Variants in SNTG1 observed in about 807,000 individuals in gnomAD.
The protein encoded by SNTG1 is gamma-1-syntrophin.
In SNTG1, 39 loss-of-function variants were observed where a neutral mutation model predicts 74.7. The observed-to-expected ratio is 0.52, with a 90% CI of 0.40 to 0.68. SNTG1 has a LOEUF of 0.68. Among genes scored for constraint, SNTG1 ranks in the 30% least tolerant of loss-of-function variants. The probability of loss-of-function intolerance (pLI) is 0.00; values close to 1 mark genes in which losing one functional copy is unlikely to be tolerated. For missense variants in SNTG1, 685 were observed against 609.5 expected (o/e 1.12, Z -1.30); for synonymous variants, 254 against 217.1 (o/e 1.17, Z -1.49).
At chr8:50,579,961 C>CTACT (rs2094599655) in intron 12 of SNTG1, among the ~76,000 whole-genome samples, 1 of 152,206 alleles carries the variant, frequency 6.6e-6, no homozygotes, top group African/African-American at 2.4e-5. Flanking sequence ...AATGGTAGAA[C>CTACT]TACTGACGGC....
chr8:50,474,648 A>T (rs920913109), intron 8 of SNTG1, among the ~76,000 whole-genome samples: 3 of 152,098 alleles, frequency 2.0e-5, no homozygotes, highest in Non-Finnish European at 4.4e-5. Context: ...ACTAGTTCAA[A>T]TGTTGTGGAA....
chr8:50,008,640 C>T (rs1203723842), intron 1 of SNTG1, among the ~76,000 whole-genome samples: 1 of 151,954 alleles, frequency 6.6e-6, no homozygotes, highest in Non-Finnish European at 1.5e-5. Flanking sequence ...GGATAAGAAA[C>T]AAAGAAAAAT....
chr8:50,532,235 C>A (rs532987899), intron 10 of SNTG1, among the ~76,000 whole-genome samples: 2 of 151,940 alleles, frequency 1.3e-5, no homozygotes, highest in East Asian at 1.9e-4. Flanking sequence ...ATAATAAAAC[C>A]GTATGAAAAC....
intron 1 of SNTG1, among the ~76,000 whole-genome samples, chr8:50,049,315 A>G (rs900566227): frequency 9.2e-5 from 14 of 152,162 alleles, no homozygotes; most frequent in East Asian, 3.8e-4. Flanking sequence ...TTGTAAATAT[A>G]TAGAGAAATA....
chr8:50,033,009 GT>G (rs201438390), intron 1 of SNTG1, among the ~76,000 whole-genome samples: 12 of 146,568 alleles, frequency 8.2e-5, no homozygotes, highest in Admixed American at 1.4e-4. Flanking sequence ...TCCTCTTTCA[GT>G]TTTTTTTTTA....
intron 2 of SNTG1, among the ~76,000 whole-genome samples, chr8:50,208,063 C>T (rs776610184): frequency 2.6e-5 from 4 of 152,114 alleles, no homozygotes; most frequent in Non-Finnish European, 4.4e-5. Context: ...GTGGAGAGTT[C>T]TCTAGATGTC....
intron 1 of SNTG1, among the ~76,000 whole-genome samples, chr8:50,054,748 C>T (rs539315479): frequency 4.6e-5 from 7 of 152,142 alleles, no homozygotes; most frequent in Admixed American, 2.0e-4. Context: ...CATGGCTCAC[C>T]GCAACCTTGA....
At chr8:50,260,744 T>C (rs2087146596) in intron 2 of SNTG1, among the ~76,000 whole-genome samples, 1 of 42,612 alleles carries the variant, frequency 2.3e-5, no homozygotes, top group Non-Finnish European at 9.0e-5. Flanking sequence ...GAAATAGCAA[T>C]TCTAAAAAAA....
chr8:50,142,392 TGAA>T (rs1459757516), intron 1 of SNTG1, among the ~76,000 whole-genome samples: 2 of 151,924 alleles, frequency 1.3e-5, no homozygotes, highest in East Asian at 3.9e-4. Context: ...AGTAGGAGCT[TGAA>T]GAAGAATTCA....
chr8:50,484,120 C>CTT (rs1197671389), intron 8 of SNTG1, among the ~76,000 whole-genome samples: 3 of 112,232 alleles, frequency 2.7e-5, no homozygotes, highest in African/African-American at 1.0e-4. Flanking sequence ...TTCTTTCTTT[C>CTT]TTTCTTTCTT....
intron 2 of SNTG1, among the ~76,000 whole-genome samples, chr8:50,201,204 A>G (rs2083974414): frequency 6.6e-6 from 1 of 152,164 alleles, no homozygotes; most frequent in Admixed American, 6.6e-5. Flanking sequence ...TGAAGTTTAG[A>G]GTTTTCTCAT....
chr8:50,586,413 C>G (rs1368747885), intron 12 of SNTG1, among the ~76,000 whole-genome samples: 1 of 152,128 alleles, frequency 6.6e-6, no homozygotes, highest in African/African-American at 2.4e-5. Context: ...ACTGCACAGC[C>G]TGACAAAGTC....
At chr8:50,647,162 C>A (rs977182740) in intron 13 of SNTG1, among the ~76,000 whole-genome samples, 4 of 152,052 alleles carry the variant, frequency 2.6e-5, no homozygotes, top group African/African-American at 9.7e-5. Flanking sequence ...GTGATGACTT[C>A]TCAGATACAA....
chr8:50,737,760 C>CAAT (rs2095532594), intron 17 of SNTG1, among the ~76,000 whole-genome samples: 1 of 152,074 alleles, frequency 6.6e-6, no homozygotes, highest in Non-Finnish European at 1.5e-5. Flanking sequence ...TCAACGTATG[C>CAAT]AAATCAATAA....
intron 2 of SNTG1, among the ~76,000 whole-genome samples, chr8:50,204,399 C>A (rs984869276): frequency 1.1e-4 from 17 of 152,122 alleles, no homozygotes; most frequent in African/African-American, 3.9e-4. Flanking sequence ...GATTTTCTGT[C>A]TTTTCCTTGC....
At chr8:50,767,046 G>A (rs1041297107) in intron 18 of SNTG1, among the ~76,000 whole-genome samples, 6 of 151,844 alleles carry the variant, frequency 4.0e-5, no homozygotes, top group Non-Finnish European at 5.9e-5. Context: ...CTGTTACAAC[G>A]TTTCTTTCCT....
chr8:50,038,580 A>G (rs563564696), intron 1 of SNTG1, among the ~76,000 whole-genome samples: 4 of 152,278 alleles, frequency 2.6e-5, no homozygotes, highest in East Asian at 1.9e-4. Context: ...CTTTCCATCA[A>G]TGAATTTGCT....
At chr8:50,010,785 CTTT>C (rs774350614) in intron 1 of SNTG1, among the ~76,000 whole-genome samples, 1 of 89,134 alleles carries the variant, frequency 1.1e-5, no homozygotes, top group African/African-American at 4.9e-5. Context: ...ACAGGCCTCT[CTTT>C]TTTTTTTTTT....
At chr8:50,105,518 G>A (rs975879600) in intron 1 of SNTG1, among the ~76,000 whole-genome samples, 2 of 150,994 alleles carry the variant, frequency 1.3e-5, no homozygotes, top group African/African-American at 4.9e-5. Flanking sequence ...TTATTGTTTT[G>A]GCTCTTTGGG....
Sources: allele counts gnomAD v4.1 joint callset (sites outside exome capture counted in the v4.1 genomes callset), GRCh38; gene constraint gnomAD v4.1.1; transcripts MANE v1.5; gene names NCBI Gene and HGNC (gene_info 2026-07-23, HGNC 2026-07-21).